CAMK4: variants seen among roughly 807,000 people sequenced by gnomAD.
CAMK4 encodes calcium/calmodulin dependent protein kinase IV, also known as calcium/calmodulin-dependent protein kinase type IV.
A neutral mutation model predicts 44.9 loss-of-function variants in CAMK4; 22 were observed. That is an observed-to-expected ratio of 0.49 (90% CI 0.35 to 0.70). CAMK4 has a LOEUF of 0.70. Ranked by LOEUF, CAMK4 falls within the 30% of genes least tolerant of loss-of-function variation. CAMK4 has a pLI of 0.01. For synonymous variants in CAMK4, 218 were observed against 215.4 expected (o/e 1.01, Z -0.11); for missense variants, 498 against 586.8 (o/e 0.85, Z 1.56).
intron 1 of CAMK4, among the ~76,000 whole-genome samples, chr5:111,284,149 T>C (rs1751136909): frequency 6.6e-6 from 1 of 152,214 alleles, no homozygotes; most frequent in African/African-American, 2.4e-5. Context: ...TGACACCCTT[T>C]ATATCTCCCT....
At chr5:111,446,605 T>C (rs1580764927) in intron 5 of CAMK4, 81 bp from the exon 6 acceptor site, 12 of 730,734 alleles carry the variant, frequency 1.6e-5, no homozygotes, top group South Asian at 9.2e-5. Context: ...ACATAACTTA[T>C]AGTTCTTAAA....
At chr5:111,247,852 A>C (rs1749309022) in intron 1 of CAMK4, among the ~76,000 whole-genome samples, 1 of 152,298 alleles carries the variant, frequency 6.6e-6, no homozygotes, top group East Asian at 1.9e-4. Context: ...AAAAATTTAC[A>C]CATAAAACTA....
chr5:111,370,732 T>G lies in CAMK4; in HGVS notation c.241-4118T>G, dbSNP rs1022462861. 5.3e-5 allele frequency among the ~76,000 whole-genome samples: 8 copies of G among 152,070 alleles called. No homozygotes were observed. In the South Asian group the frequency reaches 8.3e-4, roughly 16 times the overall value. On this transcript the variant is annotated intron_variant, in intron 2 of 10. Coordinates refer to ENST00000282356, the MANE Select transcript of CAMK4 (RefSeq NM_001744.6). ...GAGACAGAGACCATCCTGGCCAACA[T>G]GATGAAACCCCGTCTCTACCAGAAA...
intron 5 of CAMK4, 119 bp downstream of exon 5, chr5:111,394,901 A>G: frequency 1.5e-6 from 1 of 668,036 alleles, no homozygotes; most frequent in Non-Finnish European, 2.6e-6. Context: ...AAGTTGTGAA[A>G]TATTTATTAG....
chr5:111,455,228 T>TA (rs1754374638), intron 7 of CAMK4, among the ~76,000 whole-genome samples: 1 of 152,296 alleles, frequency 6.6e-6, no homozygotes, highest in Middle Eastern at 3.4e-3. Context: ...TCCCTGTACT[T>TA]AGAGTCTGCA....
At chr5:111,314,034 A>G (rs1748318371) in intron 1 of CAMK4, among the ~76,000 whole-genome samples, 1 of 152,022 alleles carries the variant, frequency 6.6e-6, no homozygotes, top group Admixed American at 6.6e-5. Flanking sequence ...CTCTGTTAGG[A>G]CAATTTTGTT....
At chr5:111,325,313 A>C (rs541229660) in intron 1 of CAMK4, among the ~76,000 whole-genome samples, 233 of 152,146 alleles carry the variant, frequency 1.5e-3, no homozygotes, top group African/African-American at 5.4e-3. Context: ...ATAGTACTGC[A>C]ATAAACATAC....
intron 5 of CAMK4, among the ~76,000 whole-genome samples, chr5:111,395,270 A>G (rs1751964125): frequency 2.0e-5 from 3 of 151,368 alleles, no homozygotes; most frequent in Non-Finnish European, 2.9e-5. Flanking sequence ...AAGAAAATGT[A>G]TGGAATAAAT....
chr5:111,432,662 G>GTATATA (rs58147378), intron 5 of CAMK4, among the ~76,000 whole-genome samples: 12,070 of 142,688 alleles, frequency 0.085, 612 homozygotes, highest in Non-Finnish European at 0.11. Flanking sequence ...ATATGTGTGT[G>GTATATA]TATATATATA....
At chr5:111,362,514 A>G (rs1434271916) in intron 2 of CAMK4, among the ~76,000 whole-genome samples, 1 of 152,026 alleles carries the variant, frequency 6.6e-6, no homozygotes, top group Non-Finnish European at 1.5e-5. Context: ...TCTGAAAACA[A>G]ATAAACCAAA....
chr5:111,470,614 C>T (rs1755030629), intron 7 of CAMK4, among the ~76,000 whole-genome samples: 1 of 152,146 alleles, frequency 6.6e-6, no homozygotes, highest in Non-Finnish European at 1.5e-5. Context: ...GAGGGATAAC[C>T]ATGTCAATGC....
chr5:111,442,485 C>T lies in CAMK4; in HGVS notation c.460-4201C>T, dbSNP rs1580758430. On this transcript the variant is annotated intron_variant, in intron 5 of 10. Coordinates refer to ENST00000282356, the MANE Select transcript of CAMK4 (RefSeq NM_001744.6). The stretch of plus-strand genomic sequence containing the variant: ...GCACTCCAGCCTGGGCGACAGACTG[C>T]GTCTCAAAAACAAACAAACAAAAAA... 2.7e-5 allele frequency among the ~76,000 whole-genome samples: 4 copies of T among 148,324 alleles called. No homozygotes were observed. In the South Asian group the frequency reaches 8.6e-4, roughly 32 times the overall value.
chr5:111,459,167 A>C (rs568761916), intron 7 of CAMK4, among the ~76,000 whole-genome samples: 52 of 152,314 alleles, frequency 3.4e-4, no homozygotes, highest in African/African-American at 1.2e-3. Flanking sequence ...ACCCAGACTA[A>C]TGCTTCAGCA....
chr5:111,294,038 C>T (rs1037524635), intron 1 of CAMK4, among the ~76,000 whole-genome samples: 1 of 152,060 alleles, frequency 6.6e-6, no homozygotes, highest in South Asian at 2.1e-4. Context: ...TGAGCCACCG[C>T]GCCCGGCCCT....
intron 2 of CAMK4, among the ~76,000 whole-genome samples, chr5:111,344,404 A>G (rs1171005260): frequency 3.0e-5 from 3 of 99,126 alleles, no homozygotes; most frequent in Non-Finnish European, 6.7e-5. Context: ...TTTTATATAT[A>G]TATATATGTA....
Position 111,407,357 on chromosome 5 carries a change from A to AG in CAMK4, c.459+12575_459+12576insG, listed in dbSNP as rs202086146. On this transcript the variant is annotated intron_variant, in intron 5 of 10. Coordinates refer to ENST00000282356, the MANE Select transcript of CAMK4 (RefSeq NM_001744.6). ...CAGAGAGAGACTCCTTAAAAAAAAA[A>AG]AAAAGAAAAGAAAAACACAAAAACA... is the stretch of plus-strand genomic sequence containing the variant. Among the ~76,000 whole-genome samples the AG allele has an allele frequency of 5.3e-3, 806 of 151,478 alleles. 9 individuals carry two copies. Among genetic ancestry groups the AG allele is most frequent in the African/African-American group, 0.018 (736 of 41,220 alleles).
chr5:111,348,461 A>T (rs547965068), intron 2 of CAMK4, among the ~76,000 whole-genome samples: 41 of 152,170 alleles, frequency 2.7e-4, no homozygotes, highest in African/African-American at 9.9e-4. Flanking sequence ...TCCTTGTGAT[A>T]AATTAACAGG....
At chr5:111,288,382 G>C (rs1047638021) in intron 1 of CAMK4, among the ~76,000 whole-genome samples, 1 of 152,120 alleles carries the variant, frequency 6.6e-6, no homozygotes, top group Non-Finnish European at 1.5e-5. Flanking sequence ...TAGATAAAAT[G>C]TATCTTTTTA....
At chr5:111,261,724 A>C (rs1052843066) in intron 1 of CAMK4, among the ~76,000 whole-genome samples, 2 of 152,030 alleles carry the variant, frequency 1.3e-5, no homozygotes, top group Non-Finnish European at 2.9e-5. Flanking sequence ...TTATGCATTG[A>C]TTACAAGCAG....
Sources: gnomAD v4.1 joint callset for allele counts (sites outside exome capture counted in the v4.1 genomes callset) on GRCh38, gnomAD v4.1.1 for gene constraint, MANE v1.5 for transcripts, NCBI Gene and HGNC (gene_info 2026-07-23, HGNC 2026-07-21) for gene names.